MIPEP: variants seen among roughly 807,000 people sequenced by gnomAD.
MIPEP encodes mitochondrial intermediate peptidase.
MIPEP carries 79 observed loss-of-function variants against 90.3 expected under a neutral mutation model. That is an observed-to-expected ratio of 0.87 (90% CI 0.73 to 1.05). The LOEUF (loss-of-function observed/expected upper bound fraction) is 1.05. Among genes scored for constraint, MIPEP ranks in the 50% least tolerant of loss-of-function variants. MIPEP has a pLI of 0.00. For missense variants in MIPEP, 940 were observed against 905.6 expected, an observed-to-expected ratio of 1.04 and a Z score of -0.49; for synonymous variants, 334 against 315.8, an observed-to-expected ratio of 1.06 and a Z score of -0.61.
At chr13:23,817,877 T>A (rs999324266) in intron 14 of MIPEP, among the ~76,000 whole-genome samples, 1 of 151,988 alleles carries the variant, frequency 6.6e-6, no homozygotes, top group Admixed American at 6.6e-5. Context: ...ACTTAATAAC[T>A]CAATAAAACA....
chr13:23,821,100 T>A (rs955699237), intron 14 of MIPEP, among the ~76,000 whole-genome samples: 4 of 152,240 alleles, frequency 2.6e-5, no homozygotes, highest in African/African-American at 7.2e-5. Context: ...AGATATCACC[T>A]ATCAACTATT....
intron 11 of MIPEP, among the ~76,000 whole-genome samples, chr13:23,840,271 T>A (rs1339277340): frequency 6.6e-6 from 1 of 152,188 alleles, no homozygotes; most frequent in African/African-American, 2.4e-5. Context: ...AATGATTCCA[T>A]CAAAGAGAAC....
At chr13:23,791,551 G>A (rs147301034) in intron 16 of MIPEP, among the ~76,000 whole-genome samples, 3 of 152,284 alleles carry the variant, frequency 2.0e-5, no homozygotes, top group Non-Finnish European at 2.9e-5. Context: ...GTTAGGCTGT[G>A]CTCTCGGGCT....
chr13:23,825,284 G>A (rs1953353566), intron 14 of MIPEP, among the ~76,000 whole-genome samples: 1 of 152,196 alleles, frequency 6.6e-6, no homozygotes, highest in African/African-American at 2.4e-5. Flanking sequence ...ATCTGCCAAA[G>A]TTAATCTAAT....
At chr13:23,822,886 G>T (rs1953324480) in intron 14 of MIPEP, among the ~76,000 whole-genome samples, 1 of 151,582 alleles carries the variant, frequency 6.6e-6, no homozygotes, top group African/African-American at 2.4e-5. Flanking sequence ...CAGCATCTGG[G>T]CGCTTCTTTT....
intron 10 of MIPEP, among the ~76,000 whole-genome samples, chr13:23,847,480 A>AAAG (rs1555239484): frequency 6.7e-6 from 1 of 149,476 alleles, no homozygotes; most frequent in African/African-American, 2.5e-5. Context: ...AAAAAAAAAA[A>AAAG]CCCAAACAGA....
At position 23,881,744 on chromosome 13, in the gene MIPEP, T is replaced by C; in HGVS notation, c.407A>G (p.Glu136Gly). ...KIAHPEPAFR[E>G]AAEEACRSIG... ...ACTTCTACAAGCTTCTTCCGCAGCT[T>C]CTCTGAATGCTGGCTCAGGGTGAGC... The change falls in exon 3 of 19, where the codon GAA (glutamate) becomes GGA (glycine). Residue 136 changes from glutamate to glycine, a missense_variant. Transcript: ENST00000382172. 1 of 1,614,082 alleles carries C rather than the reference T, an allele frequency of 6.2e-7. No homozygotes were observed. The highest frequency in any genetic ancestry group is 1.3e-5 in the African/African-American group (1 of 75,062).
intron 10 of MIPEP, among the ~76,000 whole-genome samples, chr13:23,851,136 G>A (rs776513975): frequency 1.3e-5 from 2 of 152,162 alleles, no homozygotes; most frequent in Non-Finnish European, 2.9e-5. Context: ...TTGCAGACAC[G>A]ACTGGCCCAG....
intron 10 of MIPEP, among the ~76,000 whole-genome samples, chr13:23,853,319 T>C (rs1211043310): frequency 6.6e-6 from 1 of 152,194 alleles, no homozygotes; most frequent in Non-Finnish European, 1.5e-5. Flanking sequence ...AAGAGCCCTA[T>C]ACAGGTATAC....
chr13:23,756,747 C>A, intron 17 of MIPEP, 129 bp from the exon 18 acceptor site: 1 of 813,852 alleles, frequency 1.2e-6, no homozygotes, highest in Non-Finnish European at 1.9e-6. Context: ...AATTTGGCCC[C>A]TATTTTCTTG....
chr13:23,754,429 T>C (rs1164099567), intron 18 of MIPEP, among the ~76,000 whole-genome samples: 1 of 152,244 alleles, frequency 6.6e-6, no homozygotes, highest in Non-Finnish European at 1.5e-5. Flanking sequence ...AGAATTGTTC[T>C]ATTGTTTGTG....
intron 5 of MIPEP, among the ~76,000 whole-genome samples, chr13:23,874,354 A>C (rs2137525414): frequency 6.6e-6 from 1 of 151,964 alleles, no homozygotes; most frequent in South Asian, 2.1e-4. Flanking sequence ...ACTTGAACAA[A>C]TCACTTTGTC....
chr13:23,885,737 T>TA (rs112344938), intron 2 of MIPEP, among the ~76,000 whole-genome samples: 449 of 141,606 alleles, frequency 3.2e-3, no homozygotes, highest in Middle Eastern at 0.027. Context: ...GGTTTTTAAT[T>TA]AAAAAAAAAA....
At chr13:23,806,399 C>T (rs918305088) in intron 15 of MIPEP, among the ~76,000 whole-genome samples, 16 of 152,122 alleles carry the variant, frequency 1.1e-4, no homozygotes, top group Admixed American at 6.5e-5. Context: ...GACGGAAGGC[C>T]AGGCGCGGTG....
Position 23,809,850 on chromosome 13 carries a change from C to A in MIPEP, c.1728G>T (p.Gln576His). The A allele has an allele frequency of 1.9e-6, 3 of 1,608,558 alleles. No individual in the cohort carries two copies. The highest frequency in any genetic ancestry group is 2.6e-6 in the Non-Finnish European group (3 of 1,175,476). Reference sequence around the variant, plus strand: ...CTTCAGAACAAAGGTACATACATACCTGAAGTTGCATATCAGCTGCAGCAC... The same window carrying A: ...CTTCAGAACAAAGGTACATACATACATGAAGTTGCATATCAGCTGCAGCAC... Reference protein sequence around the residue: ...KVCAAADMQLQVFYATLDQIY... With the variant: ...KVCAAADMQLHVFYATLDQIY... Residue 576 changes from glutamine to histidine, a missense_variant and splice_region_variant, in exon 15 of 19, where the codon CAG becomes CAT. Coordinates refer to ENST00000382172, the MANE Select transcript of MIPEP (RefSeq NM_005932.4).
At chr13:23,811,341 C>T (rs571120170) in intron 14 of MIPEP, among the ~76,000 whole-genome samples, 4 of 152,334 alleles carry the variant, frequency 2.6e-5, no homozygotes, top group Admixed American at 2.6e-4. Context: ...ACATGACTGA[C>T]TCCATCCTGC....
chr13:23,762,462 G>A (rs943813479), intron 16 of MIPEP, among the ~76,000 whole-genome samples: 3 of 152,164 alleles, frequency 2.0e-5, no homozygotes, highest in Non-Finnish European at 2.9e-5. Context: ...GCTTGGGCTC[G>A]GCAAGGGCTC....
At chr13:23,865,996 T>C (rs9551016) in intron 7 of MIPEP, among the ~76,000 whole-genome samples, 31,545 of 151,972 alleles carry the variant, frequency 0.21, 4,093 homozygotes, top group East Asian at 0.46. Flanking sequence ...CCCCAGAGAA[T>C]TGTCATATTA....
At chr13:23,869,959 C>G in intron 6 of MIPEP, 54 bp downstream of exon 6, 1 of 1,418,892 alleles carries the variant, frequency 7.0e-7, no homozygotes, top group Non-Finnish European at 9.4e-7. Flanking sequence ...TGGGTTAAAA[C>G]AGTAGCAACA....
Sources: allele counts gnomAD v4.1 joint callset (sites outside exome capture counted in the v4.1 genomes callset), GRCh38; gene constraint gnomAD v4.1.1; transcripts MANE v1.5; gene names NCBI Gene and HGNC (gene_info 2026-07-23, HGNC 2026-07-21).